UBXN2B: variants seen among roughly 807,000 people sequenced by gnomAD.
UBXN2B encodes the protein UBX domain protein 2B, also known as UBX domain-containing protein 2B.
A neutral mutation model predicts 37.5 loss-of-function variants in UBXN2B; 19 were observed. That is an observed-to-expected ratio of 0.51 (90% CI 0.35 to 0.74). The LOEUF (loss-of-function observed/expected upper bound fraction) is 0.74. UBXN2B is among the 30% of genes least tolerant of loss of function. The pLI, the probability that UBXN2B is intolerant of heterozygous loss-of-function variation, is 0.01. For synonymous variants in UBXN2B, 145 were observed against 143.8 expected, an observed-to-expected ratio of 1.01 and a Z score of -0.06; for missense variants, 370 against 393.2, an observed-to-expected ratio of 0.94 and a Z score of 0.50.
At chr8:58,425,955 A>T in intron 2 of UBXN2B, 2 of 1,422,362 alleles carry the variant, frequency 1.4e-6, no homozygotes, top group South Asian at 2.3e-5. Context: ...TGGCTCTCTC[A>T]TACAAGAAAA....
chr8:58,419,620 A>G (rs1370926946), intron 2 of UBXN2B, among the ~76,000 whole-genome samples: 2 of 152,252 alleles, frequency 1.3e-5, no homozygotes, highest in Non-Finnish European at 2.9e-5. Flanking sequence ...ATTAAATGAG[A>G]TAAAGTGAAT....
intron 1 of UBXN2B, 71 bp downstream of exon 1, chr8:58,411,540 T>C: frequency 1.7e-6 from 2 of 1,180,250 alleles, no homozygotes; most frequent in Non-Finnish European, 2.1e-6. Flanking sequence ...CTGGTGCGAG[T>C]TGGAGGCCAC....
chr8:58,422,132 C>G (rs930468262), intron 2 of UBXN2B, among the ~76,000 whole-genome samples: 2 of 152,210 alleles, frequency 1.3e-5, no homozygotes, highest in African/African-American at 4.8e-5. Flanking sequence ...GAACTGGAAT[C>G]TTTTTCTTTA....
At chr8:58,435,172 G>A (rs1159435043) in intron 5 of UBXN2B, 7 of 1,312,856 alleles carry the variant, frequency 5.3e-6, no homozygotes, top group Non-Finnish European at 6.8e-6. Flanking sequence ...ATAAACTGGG[G>A]AATTAAGTTG....
chr8:58,437,997 T>C (rs1449765669), intron 5 of UBXN2B, among the ~76,000 whole-genome samples: 2 of 137,094 alleles, frequency 1.5e-5, no homozygotes, highest in East Asian at 2.4e-4. Flanking sequence ...AGGAGAAAAG[T>C]GTAGTTTTGG....
At chr8:58,430,457 C>G in intron 2 of UBXN2B, 62 bp from the exon 3 acceptor site, 2 of 1,211,626 alleles carry the variant, frequency 1.7e-6, no homozygotes, top group Middle Eastern at 2.1e-4. Context: ...GACTATGTAG[C>G]TTTTTACTTC....
intron 2 of UBXN2B, chr8:58,426,765 G>A (rs1449505429): frequency 3.1e-5 from 20 of 635,676 alleles, no homozygotes; most frequent in Non-Finnish European, 5.3e-5. Flanking sequence ...GGGCTGGCCC[G>A]AGGGAGGCCC....
chr8:58,436,307 A>G (rs2129604387), intron 5 of UBXN2B, among the ~76,000 whole-genome samples: 1 of 152,368 alleles, frequency 6.6e-6, no homozygotes, highest in Middle Eastern at 3.4e-3. Context: ...TTCAAAGTAT[A>G]TTAATACAAT....
At chr8:58,436,429 A>G (rs972891505) in intron 5 of UBXN2B, among the ~76,000 whole-genome samples, 1 of 152,254 alleles carries the variant, frequency 6.6e-6, no homozygotes, top group African/African-American at 2.4e-5. Flanking sequence ...GGAACCCAAG[A>G]TGAGTCTTTA....
intron 1 of UBXN2B, among the ~76,000 whole-genome samples, chr8:58,416,412 T>G (rs907568226): frequency 3.3e-5 from 5 of 152,116 alleles, no homozygotes; most frequent in Non-Finnish European, 7.4e-5. Context: ...AATAGAATAC[T>G]TCTGAAATTG....
intron 2 of UBXN2B, among the ~76,000 whole-genome samples, chr8:58,422,400 A>G (rs1481231023): frequency 6.6e-6 from 1 of 152,256 alleles, no homozygotes; most frequent in Admixed American, 6.5e-5. Flanking sequence ...AATCCGAGGA[A>G]ACAATAACTT....
intron 2 of UBXN2B, chr8:58,425,258 G>T (rs1808050784): frequency 2.7e-6 from 3 of 1,126,832 alleles, no homozygotes; most frequent in African/African-American, 1.5e-5. Flanking sequence ...TACTCATCAG[G>T]CCAGTATTTG....
chr8:58,421,089 C>G (rs938200161), intron 2 of UBXN2B, among the ~76,000 whole-genome samples: 8 of 152,198 alleles, frequency 5.3e-5, no homozygotes, highest in African/African-American at 1.9e-4. Flanking sequence ...CCACATCCCC[C>G]TGAACTAAAA....
chr8:58,422,404 A>G (rs951985584), intron 2 of UBXN2B, among the ~76,000 whole-genome samples: 3 of 152,246 alleles, frequency 2.0e-5, no homozygotes, highest in Non-Finnish European at 4.4e-5. Flanking sequence ...CGAGGAAACA[A>G]TAACTTCACA....
At chr8:58,419,087 C>T (rs1389122550) in intron 2 of UBXN2B, among the ~76,000 whole-genome samples, 1 of 152,090 alleles carries the variant, frequency 6.6e-6, no homozygotes, top group Non-Finnish European at 1.5e-5. Flanking sequence ...GATTTTGTGC[C>T]TCACATTTGA....
chr8:58,434,607 CTGGAAT>C, intron 5 of UBXN2B, 103 bp downstream of exon 5: 1 of 981,912 alleles, frequency 1.0e-6, no homozygotes, highest in Non-Finnish European at 1.4e-6. Flanking sequence ...GAAGTAGTTC[CTGGAAT>C]ATATTAAATA....
chr8:58,432,714 A>C (rs1808315372), intron 3 of UBXN2B, among the ~76,000 whole-genome samples: 1 of 152,106 alleles, frequency 6.6e-6, no homozygotes, highest in Admixed American at 6.5e-5. Context: ...CACAATATTG[A>C]TATACTAAAG....
intron 1 of UBXN2B, 100 bp downstream of exon 1, chr8:58,411,569 C>T: frequency 1.0e-6 from 1 of 986,730 alleles, no homozygotes; most frequent in Non-Finnish European, 1.3e-6. Context: ...TCGGCGGAGC[C>T]TTTCCCCGAC....
chr8:58,416,024 G>A (rs1225951628), intron 1 of UBXN2B, among the ~76,000 whole-genome samples: 1 of 150,086 alleles, frequency 6.7e-6, no homozygotes, highest in South Asian at 2.1e-4. Context: ...TATGATTTTG[G>A]GTTTTTTTGT....
Sources: gnomAD v4.1 joint callset for allele counts (sites outside exome capture counted in the v4.1 genomes callset) on GRCh38, gnomAD v4.1.1 for gene constraint, MANE v1.5 for transcripts, NCBI Gene and HGNC (gene_info 2026-07-23, HGNC 2026-07-21) for gene names.